Variants in SLC1A6 observed in about 807,000 individuals in gnomAD.
SLC1A6 encodes the protein excitatory amino acid transporter 4.
In SLC1A6, 15 loss-of-function variants were observed where a neutral mutation model predicts 42.1. That is an observed-to-expected ratio of 0.36 (90% CI 0.24 to 0.55). The LOEUF is 0.55. SLC1A6 is among the 20% of genes least tolerant of loss of function. The pLI, the probability that SLC1A6 is intolerant of heterozygous loss-of-function variation, is 0.88. For synonymous variants in SLC1A6, 317 were observed against 319.7 expected (o/e 0.99, Z 0.09); for missense variants, 542 against 772.5 (o/e 0.70, Z 3.54).
chr19:14,965,875 T>C (rs10427099), intron 4 of SLC1A6, among the ~76,000 whole-genome samples: 49,513 of 147,750 alleles, frequency 0.34, 8,360 homozygotes, highest in African/African-American at 0.36. Flanking sequence ...AAGAAAGAAA[T>C]AATGTCTTTG....
intron 6 of SLC1A6, among the ~76,000 whole-genome samples, chr19:14,960,939 T>TTTG (rs1555705546): frequency 3.3e-5 from 5 of 151,214 alleles, no homozygotes; most frequent in African/African-American, 1.2e-4. Context: ...CCTTTTTTTT[T>TTTG]TTTTTTGAGA....
chr19:14,994,962 A>G (rs928989225), intron 1 of SLC1A6, among the ~76,000 whole-genome samples: 41 of 152,322 alleles, frequency 2.7e-4, no homozygotes, highest in African/African-American at 8.7e-4. Context: ...AATAAGCCAG[A>G]TACAGAAAGA....
At chr19:14,951,194 G>C (rs1028956150) in intron 9 of SLC1A6, among the ~76,000 whole-genome samples, 1 of 141,052 alleles carries the variant, frequency 7.1e-6, no homozygotes, top group East Asian at 2.2e-4. Context: ...AGAGGTTGCA[G>C]TGAGCTGAGA....
At chr19:14,986,522 CAAA>C (rs957267768) in intron 1 of SLC1A6, among the ~76,000 whole-genome samples, 1 of 109,974 alleles carries the variant, frequency 9.1e-6, no homozygotes. Flanking sequence ...AACTCCGTCT[CAAA>C]AAAAAAAAAA....
intron 1 of SLC1A6, among the ~76,000 whole-genome samples, chr19:15,001,138 AG>A (rs1164614086): frequency 6.6e-6 from 1 of 150,666 alleles, no homozygotes; most frequent in African/African-American, 2.4e-5. Flanking sequence ...ACAAATATTA[AG>A]GGTCTACTTT....
intron 3 of SLC1A6, among the ~76,000 whole-genome samples, chr19:14,969,075 G>A (rs906553088): frequency 2.6e-5 from 4 of 152,118 alleles, no homozygotes; most frequent in South Asian, 4.1e-4. Context: ...CCTGAACTCA[G>A]ACGATCCACT....
At chr19:14,981,212 G>T (rs2045765590), upstream of SLC1A6, among the ~76,000 whole-genome samples, 1 of 151,852 alleles carries the variant, frequency 6.6e-6, no homozygotes, top group African/African-American at 2.4e-5. Flanking sequence ...AGGGTCACTT[G>T]AGCTTAGGAA....
In SLC1A6 at chr19:14,962,083, A is replaced by T. The variant is rs2045518190; in HGVS notation, c.854T>A (p.Met285Lys). 6.2e-7 allele frequency: 1 copy of T among 1,614,070 alleles called. No individual in the cohort carries two copies. The highest frequency in any genetic ancestry group is 8.5e-7 in the Non-Finnish European group (1 of 1,180,038). Residue 285 changes from methionine to lysine, a missense_variant, in exon 6 of 10, where the codon ATG becomes AAG. This residue lies in a region of SLC1A6 where 298 missense variants were observed against 419.4 expected (regional missense o/e 0.71). Transcript: ENST00000594383. The part of the protein sequence containing the change: ...SVAFGLVIGG[M>K]KHKGRVLRDF... ...CCTGAGGACTCTGCCCTTGTGTTTC[A>T]TGCCACCAATGACCAGCCCAAAGGC...
chr19:14,957,938 G>A (rs898601798), intron 6 of SLC1A6, among the ~76,000 whole-genome samples: 44 of 152,302 alleles, frequency 2.9e-4, no homozygotes, highest in African/African-American at 9.1e-4. Flanking sequence ...CCAGAGAGAA[G>A]ACCAATGTGG....
At chr19:14,961,750 T>G in intron 6 of SLC1A6, 1 of 463,732 alleles carries the variant, frequency 2.2e-6, no homozygotes, top group Admixed American at 3.8e-5. Flanking sequence ...CATGAATGAA[T>G]GAAAGAGTGA....
intron 6 of SLC1A6, among the ~76,000 whole-genome samples, chr19:14,958,037 C>T (rs760639783): frequency 1.8e-4 from 27 of 152,250 alleles, no homozygotes; most frequent in Non-Finnish European, 3.1e-4. Flanking sequence ...ATCCAGCCCA[C>T]GGGTCAATCG....
intron 7 of SLC1A6, among the ~76,000 whole-genome samples, 200 bp from the exon 8 acceptor site, chr19:14,954,529 T>G: frequency 1.4e-5 from 2 of 143,660 alleles, no homozygotes; most frequent in Non-Finnish European, 1.5e-5. Flanking sequence ...AGGGGAGGAG[T>G]AGGTGAGGCG....
intron 1 of SLC1A6, among the ~76,000 whole-genome samples, chr19:14,986,616 G>A (rs1230067554): frequency 6.7e-6 from 1 of 150,182 alleles, no homozygotes. Context: ...TTTAAGACAG[G>A]GTCTCCCTCT....
At chr19:14,987,774 C>T (rs1343812352) in intron 1 of SLC1A6, among the ~76,000 whole-genome samples, 2 of 152,168 alleles carry the variant, frequency 1.3e-5, no homozygotes, top group African/African-American at 2.4e-5. Flanking sequence ...AGACTCAAAC[C>T]ATGCCCAGCT....
chr19:14,995,131 C>T (rs896197252), intron 1 of SLC1A6, among the ~76,000 whole-genome samples: 6 of 151,946 alleles, frequency 3.9e-5, no homozygotes, highest in African/African-American at 1.4e-4. Flanking sequence ...TCGAGACCAG[C>T]CTGGCCAATA....
At chr19:14,954,453 G>T in intron 7 of SLC1A6, 124 bp from the exon 8 acceptor site, 1 of 835,516 alleles carries the variant, frequency 1.2e-6, no homozygotes, top group Non-Finnish European at 1.9e-6. Context: ...CTGGGGAACA[G>T]GGCGTGACCT....
upstream of SLC1A6, among the ~76,000 whole-genome samples, chr19:14,984,040 T>C (rs1413638683): frequency 2.6e-5 from 4 of 152,006 alleles, no homozygotes; most frequent in Admixed American, 1.3e-4. Flanking sequence ...CTGGGTGCGG[T>C]GGCTCATGCC....
chr19:14,961,817 G>A (rs2045514519), intron 6 of SLC1A6, 185 bp downstream of exon 6: 6 of 783,684 alleles, frequency 7.7e-6, no homozygotes, highest in Middle Eastern at 7.6e-4. Flanking sequence ...AGATGAACAA[G>A]GAAGTCAACT....
chr19:14,998,888 ATTTATTTT>A (rs928414731), intron 1 of SLC1A6, among the ~76,000 whole-genome samples: 7 of 140,974 alleles, frequency 5.0e-5, no homozygotes, highest in East Asian at 2.3e-4. Flanking sequence ...TTATTTATTT[ATTTATTTT>A]TAATGGAGTC....
Sources: gnomAD v4.1 joint callset for allele counts (sites outside exome capture counted in the v4.1 genomes callset) on GRCh38, gnomAD v4.1.1 for gene constraint, gnomAD v4.1.1 regional missense constraint, MANE v1.5 for transcripts, NCBI Gene and HGNC (gene_info 2026-07-23, HGNC 2026-07-21) for gene names.